Variants in FGF14 observed in about 807,000 individuals in gnomAD.
FGF14 encodes the protein fibroblast growth factor homologous factor 4.
A neutral mutation model predicts 25.5 loss-of-function variants in FGF14; 5 were observed. The observed-to-expected ratio is 0.20, with a 90% confidence interval of 0.10 to 0.41. The LOEUF (loss-of-function observed/expected upper bound fraction) is 0.41. Ranked by LOEUF, FGF14 falls within the 10% of genes least tolerant of loss-of-function variation. The pLI, the probability that FGF14 is intolerant of heterozygous loss-of-function variation, is 1.00. For synonymous variants in FGF14, 138 were observed against 118.3 expected (o/e 1.17, Z -1.08); for missense variants, 222 against 320.1 (o/e 0.69, Z 2.34).
chr13:102,143,923 A>T (rs2140468733), intron 1 of FGF14, among the ~76,000 whole-genome samples: 1 of 152,274 alleles, frequency 6.6e-6, no homozygotes, highest in Non-Finnish European at 1.5e-5. Flanking sequence ...AGTTACCAAT[A>T]TTATTATACA....
At chr13:101,861,886 C>G (rs2044437022) in intron 3 of FGF14, among the ~76,000 whole-genome samples, 1 of 152,140 alleles carries the variant, frequency 6.6e-6, no homozygotes, top group Non-Finnish European at 1.5e-5. Context: ...CCTTTCCACT[C>G]ATTCTCACTG....
chr13:102,086,557 T>C (rs941289808), intron 1 of FGF14, among the ~76,000 whole-genome samples: 2 of 152,168 alleles, frequency 1.3e-5, no homozygotes, highest in Non-Finnish European at 2.9e-5. Context: ...TCCGACCTTA[T>C]TTTATCAAAG....
intron 1 of FGF14, among the ~76,000 whole-genome samples, chr13:102,123,440 A>G (rs500345): frequency 0.68 from 103,191 of 152,008 alleles, 36,515 homozygotes; most frequent in East Asian, 0.9. Context: ...GCTGCTATAG[A>G]AATTTAGGTA....
chr13:102,013,372 C>T (rs775959023), intron 1 of FGF14, among the ~76,000 whole-genome samples: 4 of 152,074 alleles, frequency 2.6e-5, no homozygotes, highest in Non-Finnish European at 5.9e-5. Flanking sequence ...GTTAAAAATA[C>T]AGATATTTTA....
chr13:101,764,964 T>G (rs191087578), intron 3 of FGF14, among the ~76,000 whole-genome samples: 1 of 152,124 alleles, frequency 6.6e-6, no homozygotes, highest in East Asian at 1.9e-4. Flanking sequence ...GACTGTAACT[T>G]CCCCCATCTA....
In FGF14 at chr13:101,714,320, T is replaced by G; in HGVS notation, c.*8511A>C. The stretch of plus-strand genomic sequence containing the variant: ...CTGAGAAACCAGCCATTCAATACAC[T>G]TTTACCTTTGGATGATGGGTTATTA... On this transcript the variant is annotated 3_prime_UTR_variant, in exon 5 of 5. Coordinates refer to ENST00000376143, the MANE Select transcript of FGF14 (RefSeq NM_004115.4). The G allele has an allele frequency of 1.4e-6, 1 of 715,822 alleles. No individual in the cohort carries two copies. Among genetic ancestry groups the G allele is most frequent in the Admixed American group, 2.1e-5 (1 of 48,438 alleles). 44.3% of individuals were successfully genotyped at this position (715,822 alleles called of 1,614,324 possible).
intron 1 of FGF14, among the ~76,000 whole-genome samples, chr13:101,912,501 A>C (rs1175292808): frequency 6.6e-6 from 1 of 152,214 alleles, no homozygotes; most frequent in Non-Finnish European, 1.5e-5. Flanking sequence ...ACACCATTGT[A>C]GTCAGTGGCT....
At chr13:102,079,690 G>A (rs571999421) in intron 1 of FGF14, among the ~76,000 whole-genome samples, 1 of 152,286 alleles carries the variant, frequency 6.6e-6, no homozygotes, top group Non-Finnish European at 1.5e-5. Context: ...TCGTTCTTCA[G>A]GGAGGAAACC....
chr13:101,989,181 G>A (rs554194221), intron 1 of FGF14, among the ~76,000 whole-genome samples: 164 of 152,030 alleles, frequency 1.1e-3, no homozygotes, highest in Admixed American at 3.2e-3. Context: ...AATGGGCTTT[G>A]AAATAATCAA....
intron 1 of FGF14, among the ~76,000 whole-genome samples, chr13:102,061,100 C>T (rs571381328): frequency 1.1e-4 from 17 of 152,324 alleles, no homozygotes; most frequent in Admixed American, 5.9e-4. Context: ...CCACATCCAT[C>T]GGCTGAGAGC....
At chr13:102,161,565 T>TTAGTCATAGTACCAGAAGAAGAAGAAGAA (rs371244160) in intron 1 of FGF14, among the ~76,000 whole-genome samples, 1 of 97,926 alleles carries the variant, frequency 1.0e-5, no homozygotes, top group African/African-American at 3.3e-5. Context: ...CAACTTTCTG[T>TTAGTCATAGTACCAGAAGAAGAAGAAGAA]GAAGAAAGAA....
chr13:101,967,387 A>G (rs1488988065), intron 1 of FGF14, among the ~76,000 whole-genome samples: 2 of 152,208 alleles, frequency 1.3e-5, no homozygotes, highest in African/African-American at 4.8e-5. Flanking sequence ...TGATTGTGGT[A>G]AAGTTAAAAT....
chr13:102,126,774 T>A (rs1025789041), intron 1 of FGF14, among the ~76,000 whole-genome samples: 1 of 152,198 alleles, frequency 6.6e-6, no homozygotes, highest in African/African-American at 2.4e-5. Flanking sequence ...TCATCTAATT[T>A]TTCTCAATGA....
intron 1 of FGF14, among the ~76,000 whole-genome samples, chr13:102,083,422 G>GT (rs2043733777): frequency 4.2e-5 from 6 of 143,204 alleles, no homozygotes; most frequent in African/African-American, 1.8e-4. Flanking sequence ...TTAAGTGTTG[G>GT]GTTTTTTTTT....
chr13:101,782,351 G>A (rs919594336), intron 3 of FGF14, among the ~76,000 whole-genome samples: 3 of 152,036 alleles, frequency 2.0e-5, no homozygotes, highest in Admixed American at 2.0e-4. Context: ...TTCACACCTC[G>A]ATTGCTACAA....
At chr13:101,910,963 C>A (rs2032871249) in intron 1 of FGF14, among the ~76,000 whole-genome samples, 1 of 149,758 alleles carries the variant, frequency 6.7e-6, no homozygotes, top group African/African-American at 2.5e-5. Flanking sequence ...ATATCATAGT[C>A]CTCTTTGGCT....
chr13:101,997,831 C>A (rs1005340434), intron 1 of FGF14, among the ~76,000 whole-genome samples: 8 of 151,668 alleles, frequency 5.3e-5, no homozygotes, highest in African/African-American at 1.9e-4. Flanking sequence ...GTTTTTCAGC[C>A]CATTTTTTGA....
chr13:102,354,046 G>T, intron 1 of FGF14: 1 of 159,930 alleles, frequency 6.3e-6, no homozygotes, highest in Non-Finnish European at 1.3e-5. Context: ...AACTTGCTCA[G>T]GCAAAGCTGC....
chr13:102,257,986 A>G (rs935339615), intron 1 of FGF14, among the ~76,000 whole-genome samples: 1 of 152,214 alleles, frequency 6.6e-6, no homozygotes, highest in South Asian at 2.1e-4. Context: ...TTACAAAGAA[A>G]AATGTTTAAT....
Sources: gnomAD v4.1 joint callset for allele counts (sites outside exome capture counted in the v4.1 genomes callset) on GRCh38, gnomAD v4.1.1 for gene constraint, MANE v1.5 for transcripts, NCBI Gene and HGNC (gene_info 2026-07-23, HGNC 2026-07-21) for gene names.